Variants in COL24A1 observed in about 807,000 individuals in gnomAD.
The protein encoded by COL24A1 is collagen type XXIV alpha 1 chain.
COL24A1 carries 224 observed loss-of-function variants against 253.9 expected under a neutral mutation model. The ratio of observed to expected loss-of-function variants is 0.88; its 90% CI spans 0.79 to 0.99. The LOEUF is 0.99. Among genes scored for constraint, COL24A1 ranks in the 50% least tolerant of loss-of-function variants. The pLI is 0.00. For missense variants in COL24A1, 2,131 were observed against 2,068.5 expected, an observed-to-expected ratio of 1.03 and a Z score of -0.59; for synonymous variants, 685 against 673.7, an observed-to-expected ratio of 1.02 and a Z score of -0.26.
At chr1:85,926,580 C>G (rs1380717398) in intron 24 of COL24A1, among the ~76,000 whole-genome samples, 1 of 151,966 alleles carries the variant, frequency 6.6e-6, no homozygotes, top group Non-Finnish European at 1.5e-5. Context: ...TAAGACCAAA[C>G]ACTGCATGTT....
At chr1:86,052,572 G>C (rs111332126) in intron 10 of COL24A1, among the ~76,000 whole-genome samples, 1 of 152,030 alleles carries the variant, frequency 6.6e-6, no homozygotes, top group East Asian at 1.9e-4. Context: ...GGTTGCCAGG[G>C]ACTGGGAGTG....
intron 10 of COL24A1, among the ~76,000 whole-genome samples, chr1:86,050,801 A>T (rs1032510507): frequency 6.6e-6 from 1 of 152,158 alleles, no homozygotes; most frequent in Non-Finnish European, 1.5e-5. Context: ...TTCCAATCTG[A>T]TCTGAGAAAC....
chr1:85,731,764 A>G (rs1304882246), intron 59 of COL24A1, among the ~76,000 whole-genome samples: 1 of 152,204 alleles, frequency 6.6e-6, no homozygotes, highest in Admixed American at 6.5e-5. Context: ...TAGAAAGTAC[A>G]ATGTAAAAAA....
intron 32 of COL24A1, among the ~76,000 whole-genome samples, chr1:85,886,932 T>C (rs1322713894): frequency 2.0e-5 from 3 of 152,198 alleles, no homozygotes; most frequent in Non-Finnish European, 4.4e-5. Context: ...GATGCTGATA[T>C]AGAGTACTCT....
intron 43 of COL24A1, among the ~76,000 whole-genome samples, chr1:85,831,179 A>G (rs1047021079): frequency 1.3e-5 from 2 of 152,116 alleles, no homozygotes; most frequent in African/African-American, 4.8e-5. Flanking sequence ...GAGCAGAGCC[A>G]GCAATTAACA....
chr1:85,743,562 AT>A (rs755046155), intron 57 of COL24A1, among the ~76,000 whole-genome samples: 1 of 152,088 alleles, frequency 6.6e-6, no homozygotes, highest in Non-Finnish European at 1.5e-5. Flanking sequence ...GGGCGTAAAG[AT>A]TTTTTGAACA....
chr1:86,110,610 C>T (rs1414784428), intron 5 of COL24A1, among the ~76,000 whole-genome samples: 5 of 151,952 alleles, frequency 3.3e-5, no homozygotes, highest in African/African-American at 9.7e-5. Context: ...CGAGCGAGCG[C>T]GAGTTCCGGG....
chr1:86,091,933 A>G (rs1443370704), intron 6 of COL24A1, among the ~76,000 whole-genome samples: 2 of 152,120 alleles, frequency 1.3e-5, no homozygotes, highest in African/African-American at 4.8e-5. Flanking sequence ...TTTATATATT[A>G]TTGTGTACAT....
chr1:85,938,648 G>C (rs1688445903), intron 24 of COL24A1, among the ~76,000 whole-genome samples: 1 of 145,774 alleles, frequency 6.9e-6, no homozygotes, highest in Non-Finnish European at 1.5e-5. Context: ...GCAGAACAAG[G>C]AGTAGACTGT....
At chr1:86,071,376 A>C (rs1701863388) in intron 7 of COL24A1, among the ~76,000 whole-genome samples, 1 of 152,148 alleles carries the variant, frequency 6.6e-6, no homozygotes, top group Admixed American at 6.5e-5. Flanking sequence ...CAAATAACAA[A>C]ATGGCAGGAA....
chr1:86,047,687 A>G (rs1177504225), intron 11 of COL24A1, among the ~76,000 whole-genome samples: 2 of 151,950 alleles, frequency 1.3e-5, no homozygotes, highest in Non-Finnish European at 2.9e-5. Context: ...TGTATGTAAA[A>G]CCATTTATTA....
chr1:85,866,107 A>G (rs1016467699), intron 37 of COL24A1, among the ~76,000 whole-genome samples: 4 of 152,134 alleles, frequency 2.6e-5, no homozygotes, highest in Non-Finnish European at 4.4e-5. Flanking sequence ...TACTAAAAAT[A>G]CAGAAATTAG....
chr1:85,854,711 G>GT (rs33970078), intron 37 of COL24A1, among the ~76,000 whole-genome samples: 27,840 of 143,538 alleles, frequency 0.19, 2,849 homozygotes, highest in African/African-American at 0.23. Context: ...CTAGGTTTTT[G>GT]TTTTTTTTTT....
At chr1:85,842,696 T>C (rs1676748550) in intron 39 of COL24A1, among the ~76,000 whole-genome samples, 1 of 152,148 alleles carries the variant, frequency 6.6e-6, no homozygotes, top group African/African-American at 2.4e-5. Context: ...ATTGGAAATG[T>C]GGTTTACATC....
At chr1:86,066,523 C>T (rs999007561) in intron 7 of COL24A1, among the ~76,000 whole-genome samples, 9 of 151,862 alleles carry the variant, frequency 5.9e-5, no homozygotes, top group Non-Finnish European at 1.2e-4. Flanking sequence ...GGATTACAGG[C>T]GTGAGCCACT....
chr1:86,135,002 CCA>C (rs1649985151), intron 2 of COL24A1, among the ~76,000 whole-genome samples: 4 of 151,372 alleles, frequency 2.6e-5, no homozygotes, highest in Admixed American at 6.6e-5. Context: ...TTGTAGGTCT[CCA>C]AGGACTTGCT....
At chr1:86,138,428 T>G (rs1204047119) in intron 2 of COL24A1, among the ~76,000 whole-genome samples, 2 of 152,130 alleles carry the variant, frequency 1.3e-5, no homozygotes, top group African/African-American at 4.8e-5. Flanking sequence ...CCAAATCTCA[T>G]CTTGAATTCC....
At chr1:85,907,088 C>A in intron 28 of COL24A1, 106 bp downstream of exon 28, 1 of 836,478 alleles carries the variant, frequency 1.2e-6, no homozygotes, top group South Asian at 1.7e-5. Flanking sequence ...CTGACAAGAT[C>A]TAAGCAGAAT....
chr1:85,942,393 T>C (rs1558741790), intron 24 of COL24A1, among the ~76,000 whole-genome samples: 1 of 152,228 alleles, frequency 6.6e-6, no homozygotes, highest in South Asian at 2.1e-4. Context: ...CCTGCTGGTT[T>C]TGAGTATCTA....
Sources: allele counts gnomAD v4.1 joint callset (sites outside exome capture counted in the v4.1 genomes callset), GRCh38; gene constraint gnomAD v4.1.1; transcripts MANE v1.5; gene names NCBI Gene and HGNC (gene_info 2026-07-23, HGNC 2026-07-21).